The following NTM variants were observed in gnomAD, a reference collection of about 807,000 sequenced individuals.
The protein encoded by NTM is neurotrimin.
In NTM, 13 loss-of-function variants were observed where a neutral mutation model predicts 42.1. The ratio of observed to expected loss-of-function variants is 0.31; its 90% confidence interval spans 0.20 to 0.49. The LOEUF is 0.49. NTM is among the 20% of genes least tolerant of loss of function. The pLI is 0.99. For missense variants in NTM, 373 were observed against 452.8 expected (o/e 0.82, Z 1.60); for synonymous variants, 187 against 179.2 (o/e 1.04, Z -0.35).
chr11:131,836,723 C>A (rs1208815139), intron 1 of NTM, among the ~76,000 whole-genome samples: 4 of 152,032 alleles, frequency 2.6e-5, no homozygotes, highest in African/African-American at 9.7e-5. Flanking sequence ...TGGTTTCATT[C>A]CTCAGGGGAT....
At chr11:131,880,283 GCAGCAGAAC>G (rs1285811633) in intron 1 of NTM, among the ~76,000 whole-genome samples, 1 of 152,196 alleles carries the variant, frequency 6.6e-6, no homozygotes, top group Non-Finnish European at 1.5e-5. Flanking sequence ...GCTGGCTCTG[GCAGCAGAAC>G]TCCTAGTCAT....
At position 132,084,176 on chromosome 11, in the gene NTM, A is replaced by T. The variant is rs952132306; in HGVS notation, c.168-62106A>T. Among the ~76,000 whole-genome samples, 8 of 152,272 alleles carry T rather than the reference A, an allele frequency of 5.3e-5. No individual in the cohort carries two copies. The East Asian group carries it at 9.7e-4, about 18-fold the overall frequency. Reference sequence around the variant, plus strand: ...AGCACCTGTCAAATTCATGTAGCTGATTATAAACCATCTTTTGAAGGGGAT... The same window carrying T: ...AGCACCTGTCAAATTCATGTAGCTGTTTATAAACCATCTTTTGAAGGGGAT... On this transcript the variant is annotated intron_variant, in intron 2 of 8. Transcript: ENST00000683400.
intron 4 of NTM, among the ~76,000 whole-genome samples, chr11:132,299,544 C>CA (rs1233771253): frequency 6.6e-6 from 1 of 152,158 alleles, no homozygotes; most frequent in Non-Finnish European, 1.5e-5. Flanking sequence ...TCTGAGCTGA[C>CA]AAAGAGGCAA....
intron 2 of NTM, among the ~76,000 whole-genome samples, chr11:131,998,679 T>C (rs1056221776): frequency 6.6e-6 from 1 of 152,162 alleles, no homozygotes; most frequent in Non-Finnish European, 1.5e-5. Context: ...CAGCCTGCTT[T>C]CTCCCCATTG....
intron 1 of NTM, among the ~76,000 whole-genome samples, chr11:131,377,269 G>T (rs1942095868): frequency 6.6e-6 from 1 of 152,174 alleles, no homozygotes; most frequent in Non-Finnish European, 1.5e-5. Context: ...GTGTATATAG[G>T]ATGGGGAATG....
intron 1 of NTM, among the ~76,000 whole-genome samples, chr11:131,422,109 C>T (rs1294907151): frequency 1.3e-5 from 2 of 152,134 alleles, no homozygotes; most frequent in Admixed American, 6.5e-5. Flanking sequence ...GTCTACTTTG[C>T]CTGATGGAGG....
chr11:131,820,829 CA>C (rs2093155975), intron 1 of NTM, among the ~76,000 whole-genome samples: 1 of 152,148 alleles, frequency 6.6e-6, no homozygotes, highest in Admixed American at 6.6e-5. Context: ...TTGTACTTAG[CA>C]ATCCATTTGT....
intron 1 of NTM, among the ~76,000 whole-genome samples, chr11:131,607,974 T>C (rs1565700842): frequency 6.6e-6 from 1 of 152,126 alleles, no homozygotes; most frequent in African/African-American, 2.4e-5. Context: ...TACATATGCA[T>C]ACGTGTGCCA....
chr11:131,809,445 C>G (rs187970959), intron 1 of NTM, among the ~76,000 whole-genome samples: 1 of 152,184 alleles, frequency 6.6e-6, no homozygotes, highest in Non-Finnish European at 1.5e-5. Context: ...CCTCATGGAG[C>G]AGCTGATCAC....
At chr11:132,115,854 C>A (rs2063812200) in intron 2 of NTM, among the ~76,000 whole-genome samples, 1 of 152,224 alleles carries the variant, frequency 6.6e-6, no homozygotes, top group East Asian at 1.9e-4. Context: ...GTGAGCCCTG[C>A]TCTTTCATCA....
At chr11:131,804,751 C>T (rs897354087) in intron 1 of NTM, among the ~76,000 whole-genome samples, 5 of 152,132 alleles carry the variant, frequency 3.3e-5, no homozygotes, top group East Asian at 1.9e-4. Flanking sequence ...ATTCATGTGT[C>T]GAAGCTTAAT....
At chr11:132,272,894 A>G (rs2093548952) in intron 4 of NTM, among the ~76,000 whole-genome samples, 1 of 152,110 alleles carries the variant, frequency 6.6e-6, no homozygotes, top group African/African-American at 2.4e-5. Flanking sequence ...CATAGAGTAC[A>G]ATGTTGACTA....
At chr11:132,064,663 A>G (rs901094903) in intron 2 of NTM, among the ~76,000 whole-genome samples, 1 of 152,192 alleles carries the variant, frequency 6.6e-6, no homozygotes, top group Non-Finnish European at 1.5e-5. Context: ...AGTGCAGGAA[A>G]CAAACCTGAA....
At chr11:132,176,176 C>G (rs1440030257) in intron 3 of NTM, among the ~76,000 whole-genome samples, 1 of 152,236 alleles carries the variant, frequency 6.6e-6, no homozygotes, top group East Asian at 1.9e-4. Context: ...GTGCGAGGGA[C>G]ACGCTGATTC....
intron 1 of NTM, among the ~76,000 whole-genome samples, chr11:131,392,256 C>T (rs1339391315): frequency 6.6e-6 from 1 of 151,152 alleles, no homozygotes; most frequent in African/African-American, 2.5e-5. Flanking sequence ...CCACAGAGCC[C>T]CTGAAGGGAT....
chr11:132,290,008 A>G (rs761013429), intron 4 of NTM, among the ~76,000 whole-genome samples: 3 of 152,244 alleles, frequency 2.0e-5, no homozygotes, highest in Non-Finnish European at 4.4e-5. Context: ...TAAGCCAGGA[A>G]AGGAAGGAGG....
chr11:131,774,203 C>T (rs900160940), intron 1 of NTM: 16 of 750,626 alleles, frequency 2.1e-5, no homozygotes, highest in East Asian at 1.3e-4. Context: ...CTTTATGAGG[C>T]TTCTTACCCC....
intron 1 of NTM, among the ~76,000 whole-genome samples, chr11:131,710,168 A>G (rs1282963513): frequency 2.0e-5 from 3 of 152,136 alleles, no homozygotes; most frequent in Admixed American, 6.5e-5. Flanking sequence ...CAGATACCAG[A>G]TTCTTTCACC....
At chr11:132,268,411 G>T (rs114080991) in intron 4 of NTM, among the ~76,000 whole-genome samples, 217 of 152,296 alleles carry the variant, frequency 1.4e-3, no homozygotes, top group African/African-American at 4.7e-3. Flanking sequence ...TCCATGAATA[G>T]TTCAGTCAAA....
Sources: allele counts gnomAD v4.1 joint callset (sites outside exome capture counted in the v4.1 genomes callset), GRCh38; gene constraint gnomAD v4.1.1; transcripts MANE v1.5; gene names NCBI Gene and HGNC (gene_info 2026-07-23, HGNC 2026-07-21).